The following APOA4 variants were observed in gnomAD, a reference collection of about 807,000 sequenced individuals.
The protein encoded by APOA4 is apolipoprotein A-IV.
Under a neutral mutation model 33.6 loss-of-function variants are expected in APOA4, and 25 were observed. That is an observed-to-expected ratio of 0.74 (90% CI 0.54 to 1.04). The LOEUF is 1.04. APOA4 is among the 50% of genes least tolerant of loss of function. APOA4 has a pLI of 0.00. For synonymous variants in APOA4, 228 were observed against 224.0 expected, an observed-to-expected ratio of 1.02 and a Z score of -0.16; for missense variants, 549 against 510.4, an observed-to-expected ratio of 1.08 and a Z score of -0.73.
chr11:116,821,894 G>C lies in APOA4; in HGVS notation c.177-13C>G, dbSNP rs1251849801. 6.2e-7 allele frequency: 1 copy of C among 1,611,984 alleles called. No homozygotes were observed. The highest frequency in any genetic ancestry group is 1.3e-5 in the African/African-American group (1 of 74,932). The stretch of plus-strand genomic sequence containing the variant: ...CTGGAAGAGGGCACTGTGGGGAAGG[G>C]CACAAGGAGGCCACGTTACATTTGG... On this transcript the variant is annotated splice_polypyrimidine_tract_variant and intron_variant, in intron 2 of 2. Coordinates refer to ENST00000357780, the MANE Select transcript of APOA4 (RefSeq NM_000482.4).
rs1941324988 is a variant in APOA4, at chr11:116,821,599, CA to C, written c.458del (p.Leu153ArgfsTer5). The C allele has an allele frequency of 6.2e-7, 1 of 1,609,976 alleles. No homozygotes were observed. The highest frequency in any genetic ancestry group is 1.1e-5 in the South Asian group (1 of 90,992). ...GTGCGTAGGGGGTCAGCTGGCGCCG[CA>C]GCTGCTCGGCCTGCGTGCTGACCTG... ...RTQVSTQAEQLRRQLTPYAQR... is the reference protein window; with the variant it reads ...RTQVSTQAEQXRRQLTPYAQR... On this transcript the variant is annotated frameshift_variant, in exon 3 of 3. Coordinates refer to ENST00000357780, the MANE Select transcript of APOA4 (RefSeq NM_000482.4). LOFTEE classifies it high-confidence loss of function.
At position 116,821,190 on chromosome 11, in the gene APOA4, C is replaced by T; in HGVS notation, c.868G>A (p.Ala290Thr). 3 of 1,613,434 alleles carry T rather than the reference C, an allele frequency of 1.9e-6. No individual in the cohort carries two copies. The highest frequency in any genetic ancestry group is 2.5e-6 in the Non-Finnish European group (3 of 1,180,040). ...TGGTCCAGGTGCCCACCCAGCTCTG[C>T]CAGTGACTTCTGCAGCCCCTCGGTG... ...GNTEGLQKSL[A>T]ELGGHLDQQV... is the part of the protein sequence containing the mutation. The change falls in exon 3 of 3, where the codon GCA (alanine) becomes ACA (threonine). Residue 290 changes from alanine (A) to threonine (T), a missense_variant. Physicochemically the swap from Ala to Thr is moderately conservative, Grantham distance 58. Transcript: ENST00000357780.
Position 116,821,158 on chromosome 11 carries a change from C to T in APOA4, c.900G>A (p.Val300=). 1 of 1,613,630 alleles carries T rather than the reference C, an allele frequency of 6.2e-7. No individual in the cohort carries two copies. Among genetic ancestry groups the T allele is most frequent in the Non-Finnish European group, 8.5e-7 (1 of 1,180,034 alleles). ...AELGGHLDQQ[V]EEFRRRVEPY... Reference sequence around the variant, plus strand: ...GCTCCACCCGGCGTCGGAACTCCTCCACCTGCTGGTCCAGGTGCCCACCCA... The same window carrying T: ...GCTCCACCCGGCGTCGGAACTCCTCTACCTGCTGGTCCAGGTGCCCACCCA... Residue 300 remains valine (V), a synonymous_variant, in exon 3 of 3, where the codon GTG becomes GTA. Transcript: ENST00000357780.
chr11:116,821,577 C>T lies in APOA4; in HGVS notation c.481G>A (p.Ala161Thr), dbSNP rs12721043. The T allele has an allele frequency of 2.9e-5, 46 of 1,610,818 alleles. 4 individuals are homozygous for T. The Admixed American group carries it at 3.7e-4, about 13-fold the overall frequency. ...EQLRRQLTPY[A>T]QRMERVLREN... ...CGCAGCACTCTCTCCATGCGCTGTG[C>T]GTAGGGGGTCAGCTGGCGCCGCAGC... The change falls in exon 3 of 3, where the codon GCA (alanine) becomes ACA (threonine). Residue 161 changes from alanine (A) to threonine (T), a missense_variant. Coordinates refer to ENST00000357780, the MANE Select transcript of APOA4 (RefSeq NM_000482.4).
At position 116,821,372 on chromosome 11, in the gene APOA4, T is replaced by C. The variant is rs1941319267; in HGVS notation, c.686A>G (p.Asp229Gly). Residue 229 changes from aspartate to glycine, a missense_variant, in exon 3 of 3, where the codon GAC (aspartate) becomes GGC (glycine). Transcript: ENST00000357780. ...CTGGTGGTTGAGCTTCTCCTGCGTG[T>C]CCTGAGCATAGGGAGCCAGGCTGCG... ...LRRSLAPYAQ[D>G]TQEKLNHQLE... 2.5e-6 allele frequency: 4 copies of C among 1,614,170 alleles called. No individual in the cohort carries two copies. Among genetic ancestry groups the C allele is most frequent in the South Asian group, 1.1e-5 (1 of 91,080 alleles).
In APOA4 at chr11:116,820,815, G is replaced by A. The variant is rs1239386270; in HGVS notation, c.*52C>T. ...CTTTGGGACAGACAGACAGACAGGT[G>A]GCAGGGCAGGGCAGGTGTCCACGAG... On this transcript the variant is annotated 3_prime_UTR_variant, in exon 3 of 3. Transcript: ENST00000357780. 6.3e-7 allele frequency: 1 copy of A among 1,594,238 alleles called. No homozygotes were observed. Among genetic ancestry groups the A allele is most frequent in the East Asian group, 2.2e-5 (1 of 44,672 alleles).
intron 1 of APOA4, 41 bp downstream of exon 1, chr11:116,823,102 C>A (rs1941344066): frequency 1.2e-6 from 2 of 1,610,192 alleles, no homozygotes; most frequent in Non-Finnish European, 1.7e-6. Context: ...CTACTCAGAG[C>A]AGCAGCCCAG....
chr11:116,821,053 G>C lies in APOA4; in HGVS notation c.1005C>G (p.Asp335Glu). 1 of 1,614,164 alleles carries C rather than the reference G, an allele frequency of 6.2e-7. No homozygotes were observed. The highest frequency in any genetic ancestry group is 8.5e-7 in the Non-Finnish European group (1 of 1,180,042). The part of the protein sequence containing the change: ...LRQKLGPHAG[D>E]VEGHLSFLEK... ...CCAGGAAGCTCAAGTGGCCTTCCAC[G>C]TCCCCCGCATGGGGGCCCAGTTTCT... The change falls in exon 3 of 3, where the codon GAC (aspartate) becomes GAG (glutamate). Residue 335 changes from aspartate (D) to glutamate (E), a missense_variant. By Grantham distance (45) the Asp-to-Glu change is conservative. Transcript: ENST00000357780.
At position 116,821,227 on chromosome 11, in the gene APOA4, G is replaced by T; in HGVS notation, c.831C>A (p.Asn277Lys). 5.0e-6 allele frequency: 8 copies of T among 1,613,146 alleles called. No homozygotes were observed. Among genetic ancestry groups the T allele is most frequent in the Non-Finnish European group, 6.8e-6 (8 of 1,180,036 alleles). The change falls in exon 3 of 3, where the codon AAC becomes AAA. Residue 277 changes from asparagine (N) to lysine (K), a missense_variant. Asn to Lys is a moderately conservative substitution (Grantham distance 94, BLOSUM62 0). Transcript: ENST00000357780. Reference sequence around the variant, plus strand: ...GCAGCCCCTCGGTGTTGCCCCTCAGGTTGCCACGCACGTCCTCGGCCAAGG... The same window carrying T: ...GCAGCCCCTCGGTGTTGCCCCTCAGTTTGCCACGCACGTCCTCGGCCAAGG... ...LAPLAEDVRGNLRGNTEGLQK... is the reference protein window; with the variant it reads ...LAPLAEDVRGKLRGNTEGLQK...
Position 116,821,505 on chromosome 11 carries a change from C to T in APOA4, c.553G>A (p.Glu185Lys), listed in dbSNP as rs201861136. 414 of 1,613,894 alleles carry T rather than the reference C, an allele frequency of 2.6e-4. 2 individuals are homozygous for T. Among genetic ancestry groups the T allele is most frequent in the South Asian group, 1.1e-4 (10 of 91,088 alleles). Residue 185 changes from glutamate (E) to lysine (K), a missense_variant, in exon 3 of 3, where the codon GAG (glutamate) becomes AAG (lysine). Physicochemically the swap from Glu to Lys is moderately conservative, Grantham distance 56 (BLOSUM62 1). Coordinates refer to ENST00000357780, the MANE Select transcript of APOA4 (RefSeq NM_000482.4). Reference sequence around the variant, plus strand: ...TTCTGGTCGATCTTGGCCTTGAGCTCGTCGGCGTGGGGCCTCAGCGAGGCC... The same window carrying T: ...TTCTGGTCGATCTTGGCCTTGAGCTTGTCGGCGTGGGGCCTCAGCGAGGCC... ...LQASLRPHADELKAKIDQNVE... is the reference protein window; with the variant it reads ...LQASLRPHADKLKAKIDQNVE...
At chr11:116,822,271 G>A (rs1430375051) in intron 2 of APOA4, among the ~76,000 whole-genome samples, 1 of 152,090 alleles carries the variant, frequency 6.6e-6, no homozygotes, top group African/African-American at 2.4e-5. Context: ...AGTGGCACAA[G>A]GTGCTGCTTT....
In APOA4 at chr11:116,821,578, G is replaced by T. The variant is rs538954345; in HGVS notation, c.480C>A (p.Tyr160Ter). Reference sequence around the variant, plus strand: ...GCAGCACTCTCTCCATGCGCTGTGCGTAGGGGGTCAGCTGGCGCCGCAGCT... The same window carrying T: ...GCAGCACTCTCTCCATGCGCTGTGCTTAGGGGGTCAGCTGGCGCCGCAGCT... ...AEQLRRQLTP[Y>*]AQRMERVLRE... The change falls in exon 3 of 3, where the codon TAC becomes TAA. Residue 160 changes from tyrosine (Y) to a stop codon, truncating the protein, a stop_gained. Transcript: ENST00000357780. LOFTEE classifies it high-confidence loss of function. The T allele has an allele frequency of 1.2e-6, 2 of 1,610,872 alleles. No individual in the cohort carries two copies. The highest frequency in any genetic ancestry group is 1.3e-5 in the African/African-American group (1 of 74,936).
Position 116,821,278 on chromosome 11 carries a change from G to A in APOA4, c.780C>T (p.Ala260=), listed in dbSNP as rs5105. 1,392 of 1,613,584 alleles carry A rather than the reference G, an allele frequency of 8.6e-4. 11 individuals carry two copies. In the African/African-American group the frequency reaches 0.016, roughly 18 times the overall value. ...GCGCCAGCCTCTGCCGCAGCTCCTC[G>A]GCACTGGCCGAGATCCTGGCCTTGA... ...EELKARISAS[A]EELRQRLAPL... The change falls in exon 3 of 3, where the codon GCC becomes GCT. Residue 260 remains alanine (A), a synonymous_variant. Transcript: ENST00000357780.
rs769844146 is a variant in APOA4, at chr11:116,821,734, C to A, written c.324G>T (p.Glu108Asp). Residue 108 changes from glutamate to aspartate, a missense_variant, in exon 3 of 3, where the codon GAG becomes GAT. Physicochemically the swap from Glu to Asp is conservative, Grantham distance 45. Transcript: ENST00000357780. Reference protein sequence around the residue: ...LKEEIGKELEELRARLLPHAN... With the variant: ...LKEEIGKELEDLRARLLPHAN... ...CATGGGGCAGCAGCCGGGCCCTCAG[C>A]TCCTCCAGCTCCTTCCCAATCTCCT... is the stretch of plus-strand genomic sequence containing the variant. The A allele has an allele frequency of 1.9e-6, 3 of 1,538,888 alleles. No individual in the cohort carries two copies. In the South Asian group the frequency reaches 3.4e-5, roughly 17 times the overall value.
intron 2 of APOA4, 103 bp from the exon 3 acceptor site, chr11:116,821,984 G>T (rs1286148143): frequency 1.3e-6 from 2 of 1,486,104 alleles, no homozygotes; most frequent in East Asian, 2.3e-5. Flanking sequence ...GCTAGGACAG[G>T]TGAGTGCTCA....
rs748914347 is a variant in APOA4 at position 116,820,886 on chromosome 11, A to G, written c.1172T>C (p.Leu391Pro). ...QEQQQEQVQM[L>P]APLES ...GGCAGCTCAGCTCTCCAAAGGGGCC[A>G]GCATCTGCACCTGCTCCTGCTGCTG... Residue 391 changes from leucine (L) to proline (P), a missense_variant, in exon 3 of 3, where the codon CTG becomes CCG. Leu to Pro is a moderately conservative substitution (Grantham distance 98). Transcript: ENST00000357780. 6.2e-7 allele frequency: 1 copy of G among 1,613,810 alleles called. No homozygotes were observed. Among genetic ancestry groups the G allele is most frequent in the Non-Finnish European group, 8.5e-7 (1 of 1,180,004 alleles).
chr11:116,823,183 C>G lies in APOA4; in HGVS notation c.9G>C (p.Leu3=). The change falls in exon 1 of 3, where the codon CTG becomes CTC. Residue 3 remains leucine (L), a synonymous_variant. Coordinates refer to ENST00000357780, the MANE Select transcript of APOA4 (RefSeq NM_000482.4). ...GGGCCAGGGTCAGGACCACGGCCTT[C>G]AGGAACATCCTGAGCTGCTTGCTGG... is the stretch of plus-strand genomic sequence containing the variant. MF[L]KAVVLTLALV... 6.2e-7 allele frequency: 1 copy of G among 1,614,146 alleles called. No homozygotes were observed. Among genetic ancestry groups the G allele is most frequent in the East Asian group, 2.2e-5 (1 of 44,884 alleles).
At position 116,821,346 on chromosome 11, in the gene APOA4, G is replaced by T. The variant is rs1196596633; in HGVS notation, c.712C>A (p.Leu238Ile). Residue 238 changes from leucine (L) to isoleucine (I), a missense_variant, in exon 3 of 3, where the codon CTT (leucine) becomes ATT (isoleucine). Physicochemically the swap from Leu to Ile is conservative, Grantham distance 5 (BLOSUM62 2). Transcript: ENST00000357780. ...QDTQEKLNHQ[L>I]EGLTFQMKKN... ...TTCATCTGGAAGGTCAGGCCCTCAA[G>T]CTGGTGGTTGAGCTTCTCCTGCGTG... 1 of 1,614,130 alleles carries T rather than the reference G, an allele frequency of 6.2e-7. No homozygotes were observed. The highest frequency in any genetic ancestry group is 8.5e-7 in the Non-Finnish European group (1 of 1,180,020).
Position 116,821,452 on chromosome 11 carries a change from C to T in APOA4, c.606G>A (p.Thr202=), listed in dbSNP as rs773732770. Residue 202 remains threonine (T), a synonymous_variant, in exon 3 of 3, where the codon ACG becomes ACA. Coordinates refer to ENST00000357780, the MANE Select transcript of APOA4 (RefSeq NM_000482.4). ...QNVEELKGRL[T]PYADEFKVKI... is the part of the protein sequence containing the mutation. Reference sequence around the variant, plus strand: ...TGACTTTGAATTCGTCAGCGTAGGGCGTAAGGCGTCCCTTGAGCTCCTCCA... The same window carrying T: ...TGACTTTGAATTCGTCAGCGTAGGGTGTAAGGCGTCCCTTGAGCTCCTCCA... 6.8e-6 allele frequency: 11 copies of T among 1,614,206 alleles called. No homozygotes were observed. The highest frequency in any genetic ancestry group is 2.7e-5 in the African/African-American group (2 of 75,070).
Sources: gnomAD v4.1 joint callset for allele counts (sites outside exome capture counted in the v4.1 genomes callset) on GRCh38, gnomAD v4.1.1 for gene constraint, MANE v1.5 for transcripts, NCBI Gene and HGNC (gene_info 2026-07-23, HGNC 2026-07-21) for gene names.